The following MAD1L1 variants were observed in gnomAD, a reference collection of about 807,000 sequenced individuals.
The protein encoded by MAD1L1 is mitotic arrest deficient 1 like 1.
A neutral mutation model predicts 96.9 loss-of-function variants in MAD1L1; 95 were observed. That is an observed-to-expected ratio of 0.98 (90% CI 0.83 to 1.16). The LOEUF is 1.16. MAD1L1 is among the 50% of genes most tolerant of loss of function. The pLI is 0.00. For synonymous variants in MAD1L1, 473 were observed against 396.6 expected, an observed-to-expected ratio of 1.19 and a Z score of -2.29; for missense variants, 1,007 against 954.4, an observed-to-expected ratio of 1.06 and a Z score of -0.73.
rs370301972 is a variant in MAD1L1, at chr7:2,038,335, A to G, written c.1219-23693T>C. Among the ~76,000 whole-genome samples, 15 of 152,284 alleles carry G rather than the reference A, an allele frequency of 9.9e-5. No homozygotes were observed. The East Asian group carries it at 1.7e-3, about 18-fold the overall frequency. Reference sequence around the variant, plus strand: ...CCAGAAGATCCAGCTAAGAGCACCAATGAAGGTGGCCACACTAAACACCAG... The same window carrying G: ...CCAGAAGATCCAGCTAAGAGCACCAGTGAAGGTGGCCACACTAAACACCAG... On this transcript the variant is annotated intron_variant, in intron 12 of 18. Transcript: ENST00000265854.
chr7:1,953,277 A>G (rs1350893101), intron 16 of MAD1L1, among the ~76,000 whole-genome samples: 5 of 151,866 alleles, frequency 3.3e-5, no homozygotes, highest in Admixed American at 1.3e-4. Flanking sequence ...TCTTCTACCC[A>G]CTCCTTCCCA....
chr7:1,867,723 G>T (rs1458400605), intron 18 of MAD1L1, among the ~76,000 whole-genome samples: 9 of 152,254 alleles, frequency 5.9e-5, no homozygotes, highest in Non-Finnish European at 1.3e-4. Flanking sequence ...CAGGGTGGCT[G>T]TAGGGGATGG....
At chr7:2,117,371 CCCA>C (rs1464075084) in intron 11 of MAD1L1, among the ~76,000 whole-genome samples, 1 of 152,232 alleles carries the variant, frequency 6.6e-6, no homozygotes, top group African/African-American at 2.4e-5. Context: ...ACAGAGGCCA[CCCA>C]CATGGTCGTG....
intron 18 of MAD1L1, among the ~76,000 whole-genome samples, chr7:1,864,254 C>A (rs1055635482): frequency 9.9e-5 from 15 of 152,112 alleles, no homozygotes; most frequent in Non-Finnish European, 1.9e-4. Flanking sequence ...CACCTGAACA[C>A]CTGAAGGAGG....
chr7:2,164,664 T>C (rs1407230333), intron 10 of MAD1L1, among the ~76,000 whole-genome samples: 4 of 149,374 alleles, frequency 2.7e-5, no homozygotes, highest in Admixed American at 2.0e-4. Flanking sequence ...AAAAAATCAA[T>C]TGTAGAAACA....
chr7:1,854,346 G>A (rs770681813), intron 18 of MAD1L1: 1 of 469,728 alleles, frequency 2.1e-6, no homozygotes. Flanking sequence ...CCCAACCCCC[G>A]CTGTGGGGGA....
intron 11 of MAD1L1, among the ~76,000 whole-genome samples, chr7:2,078,602 T>A (rs545645269): frequency 1.8e-4 from 28 of 152,328 alleles, no homozygotes; most frequent in Admixed American, 1.6e-3. Context: ...ATGTCTGAAC[T>A]CGGAGGCCGA....
chr7:2,054,243 T>C (rs1328599201), intron 12 of MAD1L1, among the ~76,000 whole-genome samples: 3 of 152,200 alleles, frequency 2.0e-5, no homozygotes, highest in Non-Finnish European at 4.4e-5. Context: ...AGAGTAAAGA[T>C]GGGTGACCTG....
At chr7:1,948,114 G>A (rs1432588299) in intron 16 of MAD1L1, among the ~76,000 whole-genome samples, 1 of 152,154 alleles carries the variant, frequency 6.6e-6, no homozygotes, top group African/African-American at 2.4e-5. Flanking sequence ...GAGTGTCCCG[G>A]GCCTCATCTG....
At chr7:2,060,912 A>C (rs1320539192) in intron 12 of MAD1L1, among the ~76,000 whole-genome samples, 1 of 152,266 alleles carries the variant, frequency 6.6e-6, no homozygotes, top group Non-Finnish European at 1.5e-5. Context: ...GGCTGCATGA[A>C]CATCAACAGA....
Position 2,211,290 on chromosome 7 carries a change from G to A in MAD1L1, c.986+1922C>T, listed in dbSNP as rs1274298366. On this transcript the variant is annotated intron_variant, in intron 10 of 18. Coordinates refer to ENST00000265854, the MANE Select transcript of MAD1L1 (RefSeq NM_001013836.2). The stretch of plus-strand genomic sequence containing the variant: ...CTGGGGCCAGCATGCCCTCATGCTG[G>A]CCACGCCCAGGCAGCACCCCCAGGC... Among the ~76,000 whole-genome samples the A allele has an allele frequency of 2.0e-5, 3 of 152,104 alleles. 1 individual carries two copies. The highest frequency in any genetic ancestry group is 2.0e-4 in the Admixed American group (3 of 15,278).
chr7:2,229,835 G>A, intron 3 of MAD1L1, 149 bp downstream of exon 3: 1 of 832,912 alleles, frequency 1.2e-6, no homozygotes, highest in Non-Finnish European at 1.8e-6. Flanking sequence ...CCCAAAATGA[G>A]GAGTGCCCAT....
intron 10 of MAD1L1, among the ~76,000 whole-genome samples, chr7:2,155,257 C>T (rs1789771812): frequency 6.6e-6 from 1 of 152,250 alleles, no homozygotes; most frequent in Non-Finnish European, 1.5e-5. Flanking sequence ...ACAAGCACCA[C>T]ACCTGGCCAC....
chr7:1,851,788 A>G (rs1583557189), intron 18 of MAD1L1, among the ~76,000 whole-genome samples: 2 of 152,280 alleles, frequency 1.3e-5, no homozygotes, highest in African/African-American at 4.8e-5. Flanking sequence ...CAGGCGCAGA[A>G]GGGCCTAACT....
At chr7:2,037,681 C>T (rs1783501139) in intron 12 of MAD1L1, among the ~76,000 whole-genome samples, 1 of 152,110 alleles carries the variant, frequency 6.6e-6, no homozygotes, top group African/African-American at 2.4e-5. Context: ...GTCATTGATT[C>T]TGGGACGCCA....
chr7:2,106,002 C>T (rs1584334401), intron 11 of MAD1L1, among the ~76,000 whole-genome samples: 2 of 148,308 alleles, frequency 1.3e-5, no homozygotes, highest in South Asian at 2.1e-4. Context: ...CATATGGCCC[C>T]GCCCCTGCCC....
chr7:2,117,169 C>T (rs1057255275), intron 11 of MAD1L1, among the ~76,000 whole-genome samples: 2 of 152,002 alleles, frequency 1.3e-5, no homozygotes, highest in Non-Finnish European at 2.9e-5. Flanking sequence ...GTTCCCCAGG[C>T]CCCTCCTTCC....
At position 1,980,504 on chromosome 7, in the gene MAD1L1, C is replaced by T. The variant is rs777650265; in HGVS notation, c.1454G>A (p.Ser485Asn). 1 of 1,613,308 alleles carries T rather than the reference C, an allele frequency of 6.2e-7. No individual in the cohort carries two copies. The highest frequency in any genetic ancestry group is 1.1e-5 in the South Asian group (1 of 90,912). ...MELKMLKSQS[S>N]SAEQSFLFSR... is the part of the protein sequence containing the mutation. ...GAACAGGAAGCTCTGTTCGGCAGAG[C>T]TGGACTGAGACTTCAGCATCTTCAG... The change falls in exon 15 of 19, where the codon AGC becomes AAC. Residue 485 changes from serine to asparagine, a missense_variant. Physicochemically the swap from Ser to Asn is conservative, Grantham distance 46. Coordinates refer to ENST00000265854, the MANE Select transcript of MAD1L1 (RefSeq NM_001013836.2).
intron 10 of MAD1L1, among the ~76,000 whole-genome samples, chr7:2,160,776 G>T (rs1790067731): frequency 6.6e-6 from 1 of 152,072 alleles, no homozygotes; most frequent in Non-Finnish European, 1.5e-5. Flanking sequence ...TACCATGCCG[G>T]GCTAGCCACT....
Sources: gnomAD v4.1 joint callset for allele counts (sites outside exome capture counted in the v4.1 genomes callset) on GRCh38, gnomAD v4.1.1 for gene constraint, MANE v1.5 for transcripts, NCBI Gene and HGNC (gene_info 2026-07-23, HGNC 2026-07-21) for gene names.